The following CRISPLD2 variants were observed in gnomAD, a reference collection of about 807,000 sequenced individuals.
CRISPLD2 encodes the protein cysteine-rich secretory protein LCCL domain-containing 2.
CRISPLD2 carries 47 observed loss-of-function variants against 71.1 expected under a neutral mutation model. The observed-to-expected ratio is 0.66, with a 90% CI of 0.52 to 0.84. CRISPLD2 has a LOEUF of 0.84. CRISPLD2 is among the 40% of genes least tolerant of loss of function. The probability of loss-of-function intolerance (pLI) is 0.00; values close to 1 mark genes in which losing one functional copy is unlikely to be tolerated. For synonymous variants in CRISPLD2, 317 were observed against 250.1 expected (o/e 1.27, Z -2.52); for missense variants, 830 against 651.1 (o/e 1.27, Z -2.99).
chr16:84,822,589 G>T (rs1379744805), intron 1 of CRISPLD2, among the ~76,000 whole-genome samples: 1 of 152,042 alleles, frequency 6.6e-6, no homozygotes, highest in Non-Finnish European at 1.5e-5. Context: ...ACTGGTTTTT[G>T]ATCAGTCCCA....
At chr16:84,872,915 ATGTTTGGG>A in intron 9 of CRISPLD2, 69 bp from the exon 10 acceptor site, 1 of 1,527,270 alleles carries the variant, frequency 6.5e-7, no homozygotes, top group South Asian at 1.3e-5. Context: ...TTGAGGACAA[ATGTTTGGG>A]TATTTCTGGT....
chr16:84,849,752 T>C (rs1171080991), intron 4 of CRISPLD2, among the ~76,000 whole-genome samples: 4 of 145,038 alleles, frequency 2.8e-5, no homozygotes, highest in African/African-American at 5.0e-5. Flanking sequence ...GTCTCCCTGC[T>C]ACCTGGGCTG....
chr16:84,877,624 TG>T (rs907597460), intron 12 of CRISPLD2, 114 bp downstream of exon 12: 1 of 810,348 alleles, frequency 1.2e-6, no homozygotes, highest in African/African-American at 1.8e-5. Flanking sequence ...CCGAGGCGGG[TG>T]GATCACTTGA....
intron 1 of CRISPLD2, 82 bp from the exon 2 acceptor site, chr16:84,838,340 G>T (rs1348988921): frequency 2.4e-6 from 2 of 824,286 alleles, no homozygotes; most frequent in Non-Finnish European, 3.9e-6. Context: ...AGAGTCGTGT[G>T]TGCTGCGTTC....
chr16:84,886,197 A>G (rs2071611819), intron 13 of CRISPLD2, among the ~76,000 whole-genome samples: 1 of 151,974 alleles, frequency 6.6e-6, no homozygotes, highest in South Asian at 2.1e-4. Flanking sequence ...CCAAATTGGT[A>G]TTTTCAAAGA....
At chr16:84,897,503 C>A in intron 14 of CRISPLD2, among the ~76,000 whole-genome samples, 1 of 152,290 alleles carries the variant, frequency 6.6e-6, no homozygotes, top group Middle Eastern at 3.4e-3. Flanking sequence ...ATTTTAAGAT[C>A]TTCATAGCAC....
At chr16:84,845,716 G>C (rs772230579) in intron 2 of CRISPLD2, 70 bp from the exon 3 acceptor site, 1 of 1,012,544 alleles carries the variant, frequency 9.9e-7, no homozygotes, top group African/African-American at 1.6e-5. Flanking sequence ...CTGGGGCGTT[G>C]CTGTATTTAT....
chr16:84,876,169 C>A (rs116004693), intron 11 of CRISPLD2, among the ~76,000 whole-genome samples: 2 of 152,174 alleles, frequency 1.3e-5, no homozygotes, highest in East Asian at 3.8e-4. Context: ...AACATAAGGA[C>A]CACAAAGCCA....
intron 14 of CRISPLD2, among the ~76,000 whole-genome samples, chr16:84,905,142 C>G (rs1471241125): frequency 6.6e-6 from 1 of 152,012 alleles, no homozygotes; most frequent in African/African-American, 2.4e-5. Context: ...ATCAATCAGG[C>G]TTGGTGACAT....
chr16:84,901,241 TATA>T (rs1290851753), intron 14 of CRISPLD2, among the ~76,000 whole-genome samples: 3 of 152,244 alleles, frequency 2.0e-5, no homozygotes, highest in South Asian at 2.1e-4. Context: ...GCAGTATGTA[TATA>T]ATATTTGTGT....
At chr16:84,842,446 C>T (rs1482465543) in intron 2 of CRISPLD2, among the ~76,000 whole-genome samples, 1 of 149,598 alleles carries the variant, frequency 6.7e-6, no homozygotes, top group Non-Finnish European at 1.5e-5. Flanking sequence ...GCTATCTCGG[C>T]TCACTGCAAC....
chr16:84,895,804 A>C (rs552406011), intron 14 of CRISPLD2, among the ~76,000 whole-genome samples: 1 of 152,114 alleles, frequency 6.6e-6, no homozygotes, highest in East Asian at 1.9e-4. Context: ...CACCTGCTGG[A>C]TGCTCGCCTC....
At chr16:84,848,836 T>G (rs750678132) in intron 3 of CRISPLD2, among the ~76,000 whole-genome samples, 3 of 151,934 alleles carry the variant, frequency 2.0e-5, no homozygotes, top group Non-Finnish European at 4.4e-5. Context: ...CCAACGTACC[T>G]GAAAATAAAC....
At chr16:84,842,475 G>C (rs1435207694) in intron 2 of CRISPLD2, among the ~76,000 whole-genome samples, 4 of 150,586 alleles carry the variant, frequency 2.7e-5, no homozygotes, top group Non-Finnish European at 5.9e-5. Flanking sequence ...CCCGGTTCAA[G>C]CGACTCTCCT....
chr16:84,873,760 C>A (rs1037372666), intron 10 of CRISPLD2, among the ~76,000 whole-genome samples, 160 bp from the exon 11 acceptor site: 1 of 152,114 alleles, frequency 6.6e-6, no homozygotes. Context: ...ATGCCCTGGT[C>A]TAGAACATTC....
At chr16:84,869,704 G>A (rs1285438338) in intron 8 of CRISPLD2, among the ~76,000 whole-genome samples, 1 of 152,242 alleles carries the variant, frequency 6.6e-6, no homozygotes, top group East Asian at 1.9e-4. Flanking sequence ...ATGTCTCTGT[G>A]CTGGGCGAAT....
chr16:84,894,064 G>T (rs1397113637), intron 14 of CRISPLD2, among the ~76,000 whole-genome samples: 2 of 152,242 alleles, frequency 1.3e-5, no homozygotes, highest in African/African-American at 4.8e-5. Context: ...CCGAAGGTCA[G>T]TTCTGCTTCA....
intron 1 of CRISPLD2, among the ~76,000 whole-genome samples, chr16:84,821,527 C>A (rs571671955): frequency 1.3e-3 from 198 of 152,304 alleles, no homozygotes; most frequent in Non-Finnish European, 4.1e-4. Flanking sequence ...TAAGATCCCC[C>A]AGCTGGTATG....
At chr16:84,890,688 G>A (rs976716174) in intron 14 of CRISPLD2, among the ~76,000 whole-genome samples, 3 of 151,984 alleles carry the variant, frequency 2.0e-5, no homozygotes. Flanking sequence ...GATCACCTGA[G>A]GTCAGGTGAG....
Sources: gnomAD v4.1 joint callset for allele counts (sites outside exome capture counted in the v4.1 genomes callset) on GRCh38, gnomAD v4.1.1 for gene constraint, MANE v1.5 for transcripts, NCBI Gene and HGNC (gene_info 2026-07-23, HGNC 2026-07-21) for gene names.